PEX13: variants seen among roughly 807,000 people sequenced by gnomAD.
PEX13 encodes peroxisomal biogenesis factor 13, also known as peroxisome biogenesis factor 13.
A neutral mutation model predicts 34.5 loss-of-function variants in PEX13; 28 were observed. The ratio of observed to expected loss-of-function variants is 0.81; its 90% CI spans 0.60 to 1.11. The LOEUF (loss-of-function observed/expected upper bound fraction) is 1.11. Ranked by LOEUF, PEX13 falls within the 50% of genes most tolerant of loss-of-function variation. PEX13 has a pLI of 0.00. For missense variants in PEX13, 550 were observed against 491.0 expected (o/e 1.12, Z -1.13); for synonymous variants, 177 against 175.1 (o/e 1.01, Z -0.09).
At chr2:61,038,625 T>C (rs1321875229) in intron 2 of PEX13, among the ~76,000 whole-genome samples, 1 of 152,172 alleles carries the variant, frequency 6.6e-6, no homozygotes, top group African/African-American at 2.4e-5. Context: ...AAAAGGTATT[T>C]ATGACAAATC....
At chr2:61,037,826 G>A (rs996673686) in intron 2 of PEX13, among the ~76,000 whole-genome samples, 3 of 152,056 alleles carry the variant, frequency 2.0e-5, no homozygotes, top group South Asian at 4.1e-4. Context: ...TCCAGGAGCT[G>A]GTTTTTTGAA....
rs1443238575 is a variant in PEX13 at position 61,029,220 on chromosome 2, G to A, written c.93-2199G>A. Among the ~76,000 whole-genome samples, 8 of 150,412 alleles carry A rather than the reference G, an allele frequency of 5.3e-5. No homozygotes were observed. The East Asian group carries it at 5.8e-4, about 11-fold the overall frequency. ...ATTTTTCCAAATAAGATTGTAAAAC[G>A]ACCAATAAGCACATGAAAATATGCT... On this transcript the variant is annotated intron_variant, in intron 1 of 3. Coordinates refer to ENST00000295030, the MANE Select transcript of PEX13 (RefSeq NM_002618.4).
intron 1 of PEX13, among the ~76,000 whole-genome samples, chr2:61,022,214 G>A (rs1680275979): frequency 6.6e-6 from 1 of 152,176 alleles, no homozygotes; most frequent in African/African-American, 2.4e-5. Context: ...CAGAAGGTCG[G>A]CAATAACAAA....
chr2:61,022,570 T>C (rs575885599), intron 1 of PEX13, among the ~76,000 whole-genome samples: 5 of 152,362 alleles, frequency 3.3e-5, no homozygotes, highest in African/African-American at 1.2e-4. Flanking sequence ...TGATATGCAA[T>C]TCCAAATTCT....
intron 2 of PEX13, among the ~76,000 whole-genome samples, chr2:61,032,866 A>G (rs745867146): frequency 4.6e-5 from 7 of 152,226 alleles, no homozygotes; most frequent in Non-Finnish European, 7.3e-5. Context: ...AGCTTGAACA[A>G]AAGTATATAG....
rs1353940628 is a variant in PEX13, at chr2:61,049,644, A to T, written c.*874A>T. The T allele has an allele frequency of 6.6e-6, 1 of 152,300 alleles. No individual in the cohort carries two copies. The allele number at this position is 152,300 out of a possible 1,614,324, so 9.4% of individuals were successfully genotyped here. ...CAAAATTAGCTAGGTGTGGTGGCAC[A>T]TGCCTGTAATCCCAGCTACTCGGGA... On this transcript the variant is annotated 3_prime_UTR_variant, in exon 4 of 4. Transcript: ENST00000295030.
At chr2:61,038,221 T>C (rs1380512609) in intron 2 of PEX13, among the ~76,000 whole-genome samples, 2 of 152,078 alleles carry the variant, frequency 1.3e-5, no homozygotes, top group Non-Finnish European at 2.9e-5. Flanking sequence ...TTCCAATTAA[T>C]AGAAAAAGAG....
chr2:61,051,408 A>G lies in PEX13; in HGVS notation c.*2638A>G, dbSNP rs1379194235. On this transcript the variant is annotated 3_prime_UTR_variant, in exon 4 of 4. Transcript: ENST00000295030. ...GGAGAAGAGTACAGCACAAAGTGAT[A>G]AAATAGTGACACTTTTGTAGGGGTG... is the stretch of plus-strand genomic sequence containing the variant. 6.6e-6 allele frequency: 1 copy of G among 152,384 alleles called. No homozygotes were observed. The highest frequency in any genetic ancestry group is 1.5e-5 in the Non-Finnish European group (1 of 68,028). The allele number at this position is 152,384 out of a possible 1,614,324, so 9.4% of individuals were successfully genotyped here.
At chr2:61,026,839 G>C (rs1378660572) in intron 1 of PEX13, among the ~76,000 whole-genome samples, 1 of 151,654 alleles carries the variant, frequency 6.6e-6, no homozygotes, top group Non-Finnish European at 1.5e-5. Flanking sequence ...GATTTTTGTT[G>C]GCTTTGTTTC....
intron 2 of PEX13, among the ~76,000 whole-genome samples, chr2:61,044,304 C>T (rs1209274913): frequency 2.0e-5 from 3 of 151,822 alleles, no homozygotes; most frequent in African/African-American, 7.3e-5. Context: ...GGGCCTCACT[C>T]AGTTGCCCAG....
intron 1 of PEX13, among the ~76,000 whole-genome samples, chr2:61,022,016 T>G (rs905132025): frequency 3.3e-5 from 5 of 152,130 alleles, no homozygotes; most frequent in African/African-American, 1.2e-4. Flanking sequence ...CAAAACCCCA[T>G]TTGTAGGTTA....
chr2:61,035,888 C>T (rs866797702), intron 2 of PEX13, among the ~76,000 whole-genome samples: 27 of 151,624 alleles, frequency 1.8e-4, no homozygotes, highest in Admixed American at 7.2e-4. Context: ...GAGGCTGAGG[C>T]AGGAGAATTG....
At chr2:61,027,576 G>A (rs1390167439) in intron 1 of PEX13, among the ~76,000 whole-genome samples, 1 of 152,146 alleles carries the variant, frequency 6.6e-6, no homozygotes, top group Non-Finnish European at 1.5e-5. Flanking sequence ...CATTGAACTG[G>A]TTCCATTTTA....
chr2:61,040,418 G>A (rs1183283511), intron 2 of PEX13, among the ~76,000 whole-genome samples: 1 of 152,088 alleles, frequency 6.6e-6, no homozygotes, highest in Non-Finnish European at 1.5e-5. Context: ...AAAAAAAGAT[G>A]AGTTCATGTC....
In PEX13 at chr2:61,040,793, A is replaced by G. The variant is rs1455164157; in HGVS notation, c.788-4933A>G. On this transcript the variant is annotated intron_variant, in intron 2 of 3. Transcript: ENST00000295030. ...TATATATACCTATATATTAAAGTAT[A>G]GTATATATAAGTATATATGTATATA... Among the ~76,000 whole-genome samples the G allele has an allele frequency of 2.7e-5, 4 of 148,018 alleles. No individual in the cohort carries two copies. In the Admixed American group the frequency reaches 2.7e-4, roughly 10 times the overall value.
At chr2:61,036,598 C>T (rs1449726129) in intron 2 of PEX13, among the ~76,000 whole-genome samples, 8 of 152,130 alleles carry the variant, frequency 5.3e-5, no homozygotes, top group African/African-American at 1.9e-4. Context: ...CACCACCAGG[C>T]CTGCCTTACA....
chr2:61,037,390 T>C (rs1341028612), intron 2 of PEX13, among the ~76,000 whole-genome samples: 1 of 152,106 alleles, frequency 6.6e-6, no homozygotes, highest in African/African-American at 2.4e-5. Flanking sequence ...CCTCAGCAAA[T>C]GTAAAAGAAC....
chr2:61,032,053 A>G lies in PEX13; in HGVS notation c.727A>G (p.Ile243Val), dbSNP rs1680461189. ...GCCAATATTCTTGTTCTTTGCTGTT[A>G]TCCTTGGTGGTCCTTACCTCATTTG... is the stretch of plus-strand genomic sequence containing the variant. ...SWPIFLFFAVILGGPYLIWKL... is the reference protein window; with the variant it reads ...SWPIFLFFAVVLGGPYLIWKL... The change falls in exon 2 of 4, where the codon ATC becomes GTC. Residue 243 changes from isoleucine (I) to valine (V), a missense_variant. Coordinates refer to ENST00000295030, the MANE Select transcript of PEX13 (RefSeq NM_002618.4). 6.2e-7 allele frequency: 1 copy of G among 1,613,688 alleles called. No homozygotes were observed. The highest frequency in any genetic ancestry group is 8.5e-7 in the Non-Finnish European group (1 of 1,179,900).
chr2:61,048,736 C>G lies in PEX13; in HGVS notation c.1178C>G (p.Ser393Cys). Residue 393 changes from serine (S) to cysteine (C), a missense_variant, in exon 4 of 4, where the codon TCC becomes TGC. Physicochemically the swap from Ser to Cys is moderately radical, Grantham distance 112. Transcript: ENST00000295030. Reference sequence around the variant, plus strand: ...AATAAGGTTCCAGTTGCACCTGATTCCATTGGGAAAGATGGAGAAAAGCAA... The same window carrying G: ...AATAAGGTTCCAGTTGCACCTGATTGCATTGGGAAAGATGGAGAAAAGCAA... Reference protein sequence around the residue: ...ETNKVPVAPDSIGKDGEKQDL With the variant: ...ETNKVPVAPDCIGKDGEKQDL The G allele has an allele frequency of 6.2e-7, 1 of 1,613,910 alleles. No homozygotes were observed. Among genetic ancestry groups the G allele is most frequent in the Non-Finnish European group, 8.5e-7 (1 of 1,179,796 alleles).
Sources: allele counts gnomAD v4.1 joint callset (sites outside exome capture counted in the v4.1 genomes callset), GRCh38; gene constraint gnomAD v4.1.1; transcripts MANE v1.5; gene names NCBI Gene and HGNC (gene_info 2026-07-23, HGNC 2026-07-21).